STK32B: variants seen among roughly 807,000 people sequenced by gnomAD.
The protein encoded by STK32B is serine/threonine-protein kinase 32B.
Under a neutral mutation model 52.6 loss-of-function variants are expected in STK32B, and 43 were observed. That is an observed-to-expected ratio of 0.82 (90% CI 0.64 to 1.05). The LOEUF (loss-of-function observed/expected upper bound fraction) is 1.05. Among genes scored for constraint, STK32B ranks in the 50% least tolerant of loss-of-function variants. The pLI is 0.00. For synonymous variants in STK32B, 238 were observed against 204.3 expected, an observed-to-expected ratio of 1.17 and a Z score of -1.41; for missense variants, 621 against 534.6, an observed-to-expected ratio of 1.16 and a Z score of -1.59.
chr4:5,066,622 C>G (rs2108763302), intron 1 of STK32B, among the ~76,000 whole-genome samples: 1 of 152,316 alleles, frequency 6.6e-6, no homozygotes, highest in Non-Finnish European at 1.5e-5. Flanking sequence ...TTCAATTAGT[C>G]ACTGCACTTA....
At chr4:5,282,987 G>A (rs9999971) in intron 3 of STK32B, among the ~76,000 whole-genome samples, 3,058 of 152,208 alleles carry the variant, frequency 0.02, 43 homozygotes, top group East Asian at 0.071. Context: ...ATGATTTACT[G>A]TAGTGCCCTG....
intron 3 of STK32B, among the ~76,000 whole-genome samples, chr4:5,226,828 G>C (rs990676407): frequency 6.6e-6 from 1 of 152,172 alleles, no homozygotes; most frequent in Admixed American, 6.5e-5. Context: ...TATAGGGTTT[G>C]GTAATATCTG....
intron 3 of STK32B, among the ~76,000 whole-genome samples, chr4:5,263,547 G>C (rs1229054273): frequency 6.6e-6 from 1 of 152,178 alleles, no homozygotes; most frequent in Non-Finnish European, 1.5e-5. Flanking sequence ...ATCCACCTAT[G>C]CAAAATCACC....
chr4:5,443,726 G>T (rs1715027062), intron 6 of STK32B, among the ~76,000 whole-genome samples: 1 of 152,050 alleles, frequency 6.6e-6, no homozygotes, highest in African/African-American at 2.4e-5. Flanking sequence ...CCCCATCTTT[G>T]TGGTTTTATC....
rs542161291 is a variant in STK32B, at chr4:5,495,044, A to G, written c.1107-3901A>G. Among the ~76,000 whole-genome samples, 1,199 of 152,116 alleles carry G rather than the reference A, an allele frequency of 7.9e-3. 8 individuals carry two copies. Among genetic ancestry groups the G allele is most frequent in the African/African-American group, 0.027 (1,116 of 41,456 alleles). ...CATTTCAACTTTGGTGAATCTGACAATTATGTGTCTTGGAGTTGCTCTTCT... is the reference window on the plus strand; with the variant it reads ...CATTTCAACTTTGGTGAATCTGACAGTTATGTGTCTTGGAGTTGCTCTTCT... On this transcript the variant is annotated intron_variant, in intron 11 of 11. Transcript: ENST00000282908.
intron 11 of STK32B, among the ~76,000 whole-genome samples, chr4:5,489,285 C>G (rs1248526604): frequency 1.3e-5 from 2 of 152,104 alleles, no homozygotes; most frequent in Admixed American, 1.3e-4. Flanking sequence ...ATCATCATTT[C>G]AAGTTTTTTC....
chr4:5,384,778 G>A (rs1263224880), intron 4 of STK32B, among the ~76,000 whole-genome samples: 2 of 152,124 alleles, frequency 1.3e-5, no homozygotes, highest in Non-Finnish European at 2.9e-5. Context: ...GGGTGCCCGT[G>A]GGACTGAAGA....
intron 5 of STK32B, among the ~76,000 whole-genome samples, chr4:5,403,670 C>A (rs532990298): frequency 6.6e-6 from 1 of 152,294 alleles, no homozygotes; most frequent in South Asian, 2.1e-4. Flanking sequence ...GATGAGTGCT[C>A]CCCAAAATGG....
In STK32B at chr4:5,492,788, G is replaced by A. The variant is rs557685517; in HGVS notation, c.1107-6157G>A. Reference sequence around the variant, plus strand: ...TTCTTGAGAGTTTTTAGCATGAAGGGTTGTTGAATTTTGTCAAAGGCCTTT... The same window carrying A: ...TTCTTGAGAGTTTTTAGCATGAAGGATTGTTGAATTTTGTCAAAGGCCTTT... On this transcript the variant is annotated intron_variant, in intron 11 of 11. Coordinates refer to ENST00000282908, the MANE Select transcript of STK32B (RefSeq NM_018401.3). Among the ~76,000 whole-genome samples, 15 of 151,450 alleles carry A rather than the reference G, an allele frequency of 9.9e-5. No homozygotes were observed. The South Asian group carries it at 1.7e-3, about 17-fold the overall frequency.
At chr4:5,307,579 C>G (rs903046466) in intron 3 of STK32B, among the ~76,000 whole-genome samples, 1 of 148,612 alleles carries the variant, frequency 6.7e-6, no homozygotes, top group African/African-American at 2.5e-5. Flanking sequence ...TGAACTTCAC[C>G]TTTCTCTAGT....
At chr4:5,483,423 C>G (rs184134345) in intron 11 of STK32B, among the ~76,000 whole-genome samples, 9 of 152,122 alleles carry the variant, frequency 5.9e-5, no homozygotes, top group Admixed American at 2.6e-4. Context: ...TCTGTGGGAT[C>G]GGTGGTGATA....
chr4:5,329,551 G>A (rs1231143865), intron 3 of STK32B, among the ~76,000 whole-genome samples: 1 of 152,122 alleles, frequency 6.6e-6, no homozygotes, highest in Non-Finnish European at 1.5e-5. Context: ...ACACTCGCCT[G>A]CACCCTGGAA....
chr4:5,334,743 TTTTGTC>T (rs1409977313), intron 4 of STK32B, among the ~76,000 whole-genome samples: 1 of 151,392 alleles, frequency 6.6e-6, no homozygotes, highest in African/African-American at 2.4e-5. Flanking sequence ...ATCATGTGGT[TTTTGTC>T]TTTGGTTCTG....
At chr4:5,349,984 G>A (rs1390577558) in intron 4 of STK32B, among the ~76,000 whole-genome samples, 1 of 152,098 alleles carries the variant, frequency 6.6e-6, no homozygotes, top group Non-Finnish European at 1.5e-5. Context: ...TGACATATGG[G>A]ACACCATAAA....
At chr4:5,337,741 T>C (rs1318345379) in intron 4 of STK32B, among the ~76,000 whole-genome samples, 1 of 152,172 alleles carries the variant, frequency 6.6e-6, no homozygotes, top group African/African-American at 2.4e-5. Context: ...AATAACATTA[T>C]TCATTTTAGG....
At chr4:5,232,439 C>T (rs150898113) in intron 3 of STK32B, among the ~76,000 whole-genome samples, 1 of 152,318 alleles carries the variant, frequency 6.6e-6, no homozygotes, top group African/African-American at 2.4e-5. Context: ...TGATTTGTTT[C>T]TTTCACAATT....
Position 5,105,785 on chromosome 4 carries a change from G to T in STK32B, c.53-34120G>T, listed in dbSNP as rs914559009. Among the ~76,000 whole-genome samples the T allele has an allele frequency of 2.6e-5, 4 of 151,818 alleles. 1 individual carries two copies. The Middle Eastern group carries it at 0.014, about 516-fold the overall frequency. On this transcript the variant is annotated intron_variant, in intron 1 of 11. Transcript: ENST00000282908. ...TCACTGTGTTAGCCAGGATGGTCTC[G>T]ATCTCCTGACCTAGTGATCCACCCG...
intron 2 of STK32B, among the ~76,000 whole-genome samples, chr4:5,142,558 A>T (rs530118913): frequency 2.7e-4 from 41 of 152,350 alleles, no homozygotes; most frequent in Admixed American, 2.0e-3. Context: ...TTATGTTGTC[A>T]AGTGAATTGG....
intron 1 of STK32B, chr4:5,127,267 A>G (rs978510901): frequency 2.6e-5 from 11 of 422,414 alleles, no homozygotes; most frequent in South Asian, 1.9e-4. Flanking sequence ...TATTAACCAC[A>G]TTAAGTACTT....
Sources: allele counts gnomAD v4.1 joint callset (sites outside exome capture counted in the v4.1 genomes callset), GRCh38; gene constraint gnomAD v4.1.1; transcripts MANE v1.5; gene names NCBI Gene and HGNC (gene_info 2026-07-23, HGNC 2026-07-21).